The following YEATS2 variants were observed in gnomAD, a reference collection of about 807,000 sequenced individuals.
The protein encoded by YEATS2 is YEATS domain-containing protein 2.
YEATS2 carries 77 observed loss-of-function variants against 163.2 expected under a neutral mutation model. The ratio of observed to expected loss-of-function variants is 0.47; its 90% CI spans 0.39 to 0.57. The LOEUF is 0.57. Ranked by LOEUF, YEATS2 falls within the 20% of genes least tolerant of loss-of-function variation. The probability of loss-of-function intolerance (pLI) is 0.00; values close to 1 mark genes in which losing one functional copy is unlikely to be tolerated. For missense variants in YEATS2, 1,549 were observed against 1,729.8 expected (o/e 0.90, Z 1.85); for synonymous variants, 631 against 645.1 (o/e 0.98, Z 0.33).
At chr3:183,761,320 C>A (rs1252109545) in intron 13 of YEATS2, among the ~76,000 whole-genome samples, 187 bp from the exon 14 acceptor site, 1 of 152,162 alleles carries the variant, frequency 6.6e-6, no homozygotes, top group Non-Finnish European at 1.5e-5. Context: ...CTCCCGACCT[C>A]AGGCGATCCA....
chr3:183,710,280 A>G (rs1715061015), intron 1 of YEATS2, among the ~76,000 whole-genome samples: 1 of 152,184 alleles, frequency 6.6e-6, no homozygotes, highest in East Asian at 1.9e-4. Flanking sequence ...TCAGACAAGA[A>G]GAGTCCAGAA....
At chr3:183,793,272 T>A (rs1724831715) in intron 21 of YEATS2, 1 of 1,168,638 alleles carries the variant, frequency 8.6e-7, no homozygotes, top group South Asian at 1.7e-5. Context: ...ATTACTTCAT[T>A]CATATGTAGC....
intron 27 of YEATS2, 97 bp downstream of exon 27, chr3:183,804,285 C>T (rs1012252335): frequency 1.1e-4 from 163 of 1,446,164 alleles, no homozygotes; most frequent in Non-Finnish European, 1.4e-4. Flanking sequence ...CTGTAGAGAA[C>T]GAGAGCCTTT....
At chr3:183,752,033 A>G (rs1318935294) in intron 9 of YEATS2, 40 bp from the exon 10 acceptor site, 2 of 1,608,502 alleles carry the variant, frequency 1.2e-6, no homozygotes, top group Admixed American at 3.3e-5. Flanking sequence ...TGTGACATTG[A>G]TGATGGACTC....
At chr3:183,757,417 T>C (rs923530715) in intron 12 of YEATS2, among the ~76,000 whole-genome samples, 1 of 151,972 alleles carries the variant, frequency 6.6e-6, no homozygotes, top group African/African-American at 2.4e-5. Flanking sequence ...CAGCCTCCCA[T>C]GTAGCTGGAA....
intron 8 of YEATS2, among the ~76,000 whole-genome samples, chr3:183,747,066 A>T (rs1217588542): frequency 6.6e-6 from 1 of 152,198 alleles, no homozygotes; most frequent in African/African-American, 2.4e-5. Context: ...TATTATTAAC[A>T]TACCCTCAGT....
chr3:183,744,999 C>A (rs757098802), intron 8 of YEATS2, among the ~76,000 whole-genome samples: 1 of 152,086 alleles, frequency 6.6e-6, no homozygotes. Flanking sequence ...TACAGGTGCA[C>A]GCCACCATGC....
Position 183,786,184 on chromosome 3 carries a change from G to A in YEATS2, c.2796G>A (p.Val932=). ...TATCCGATAGCACCTTGAAGACTGT[G>A]CCAGCCACCTCACAGCTCTCGAAGC... The part of the protein sequence containing the change: ...MKISDSTLKT[V]PATSQLSKPG... Residue 932 remains valine (V), a synonymous_variant, in exon 20 of 31, where the codon GTG becomes GTA. Coordinates refer to ENST00000305135, the MANE Select transcript of YEATS2 (RefSeq NM_018023.5). The A allele has an allele frequency of 1.2e-6, 2 of 1,614,126 alleles. No homozygotes were observed. The highest frequency in any genetic ancestry group is 2.2e-5 in the South Asian group (2 of 91,076).
intron 8 of YEATS2, among the ~76,000 whole-genome samples, chr3:183,746,069 G>T (rs59871882): frequency 6.6e-6 from 1 of 151,886 alleles, no homozygotes; most frequent in African/African-American, 2.4e-5. Context: ...TTGTTCGTTC[G>T]TTTGTTTTTT....
Position 183,806,898 on chromosome 3 carries a change from C to G in YEATS2, c.3817C>G (p.Leu1273Val), listed in dbSNP as rs1577233459. 6.2e-7 allele frequency: 1 copy of G among 1,614,050 alleles called. No individual in the cohort carries two copies. The highest frequency in any genetic ancestry group is 1.1e-5 in the South Asian group (1 of 91,072). The change falls in exon 28 of 31, where the codon CTC becomes GTC. Residue 1273 changes from leucine (L) to valine (V), a missense_variant. Transcript: ENST00000305135. ...CPSSFSSADN[L>V]CRKLEDLQQF... The stretch of plus-strand genomic sequence containing the variant: ...ATCATCATTCTCCTCTGCTGACAAC[C>G]TCTGCCGCAAACTGGAGGACCTGCA...
intron 27 of YEATS2, chr3:183,806,660 T>A: frequency 5.1e-6 from 3 of 586,690 alleles, no homozygotes; most frequent in Non-Finnish European, 9.0e-6. Context: ...CTTACATAGA[T>A]CACACACAAG....
chr3:183,808,480 C>T (rs1479218595), intron 29 of YEATS2, among the ~76,000 whole-genome samples: 2 of 152,236 alleles, frequency 1.3e-5, no homozygotes, highest in Non-Finnish European at 2.9e-5. Context: ...CCTTCCCCAG[C>T]CTGATCCTAG....
chr3:183,718,853 C>T (rs1388148280), intron 4 of YEATS2, among the ~76,000 whole-genome samples: 2 of 152,108 alleles, frequency 1.3e-5, no homozygotes, highest in African/African-American at 2.4e-5. Context: ...TGCCACCATG[C>T]CCAGCTCATT....
intron 2 of YEATS2, among the ~76,000 whole-genome samples, chr3:183,716,655 A>T (rs1031390548): frequency 6.6e-6 from 1 of 152,198 alleles, no homozygotes; most frequent in South Asian, 2.1e-4. Flanking sequence ...ATAACTTTTT[A>T]AAATAAAAAC....
chr3:183,780,201 A>G (rs1267380756), intron 19 of YEATS2, among the ~76,000 whole-genome samples: 4 of 152,144 alleles, frequency 2.6e-5, no homozygotes, highest in African/African-American at 7.2e-5. Context: ...TTCCAACTAC[A>G]TATGTGGATA....
At chr3:183,736,091 C>A (rs1006105423) in intron 7 of YEATS2, among the ~76,000 whole-genome samples, 9 of 151,842 alleles carry the variant, frequency 5.9e-5, no homozygotes, top group African/African-American at 1.9e-4. Context: ...TTGCTCTTTT[C>A]CATCAATTCC....
At chr3:183,777,723 C>T in intron 19 of YEATS2, 23 bp downstream of exon 19, 1 of 1,599,380 alleles carries the variant, frequency 6.3e-7, no homozygotes, top group Non-Finnish European at 8.5e-7. Context: ...ATGCACACAC[C>T]CCAAATATGG....
chr3:183,799,838 T>C (rs1408271914), intron 23 of YEATS2, among the ~76,000 whole-genome samples: 2 of 147,836 alleles, frequency 1.4e-5, no homozygotes, highest in Non-Finnish European at 3.0e-5. Context: ...TTTTCTTTTT[T>C]TTTTTTTGTT....
intron 7 of YEATS2, 135 bp from the exon 8 acceptor site, chr3:183,736,583 T>G (rs1718365865): frequency 4.8e-6 from 3 of 628,136 alleles, no homozygotes; most frequent in African/African-American, 1.9e-5. Context: ...GCATGTTGAT[T>G]TAGTTTTAAA....
Sources: gnomAD v4.1 joint callset for allele counts (sites outside exome capture counted in the v4.1 genomes callset) on GRCh38, gnomAD v4.1.1 for gene constraint, MANE v1.5 for transcripts, NCBI Gene and HGNC (gene_info 2026-07-23, HGNC 2026-07-21) for gene names.